Variants in STIM1 observed in about 807,000 individuals in gnomAD.
The protein encoded by STIM1 is stromal interaction molecule 1.
In STIM1, 25 loss-of-function variants were observed where a neutral mutation model predicts 74.7. The ratio of observed to expected loss-of-function variants is 0.33; its 90% CI spans 0.24 to 0.47. The LOEUF (loss-of-function observed/expected upper bound fraction) is 0.47, where lower values mean the gene tolerates loss of function less well. STIM1 is among the 20% of genes least tolerant of loss of function. The probability of loss-of-function intolerance (pLI) is 1.00; values close to 1 mark genes in which losing one functional copy is unlikely to be tolerated. For synonymous variants in STIM1, 328 were observed against 348.8 expected, an observed-to-expected ratio of 0.94 and a Z score of 0.66; for missense variants, 728 against 920.8, an observed-to-expected ratio of 0.79 and a Z score of 2.71.
chr11:4,068,397 A>G (rs1186306759), intron 5 of STIM1, among the ~76,000 whole-genome samples: 1 of 152,192 alleles, frequency 6.6e-6, no homozygotes, highest in Admixed American at 6.5e-5. Context: ...TAAAGGGGAT[A>G]TTGAAGTTGA....
chr11:3,987,324 A>G (rs1489087182), intron 2 of STIM1, among the ~76,000 whole-genome samples: 3 of 152,210 alleles, frequency 2.0e-5, no homozygotes, highest in African/African-American at 7.2e-5. Flanking sequence ...CACAGTGGTA[A>G]GTGGCAGAAA....
At chr11:3,862,705 C>T (rs1165179095) in intron 1 of STIM1, among the ~76,000 whole-genome samples, 1 of 152,070 alleles carries the variant, frequency 6.6e-6, no homozygotes, top group Non-Finnish European at 1.5e-5. Context: ...CTTGGCCTCC[C>T]AAAGTGTTTG....
chr11:3,880,159 C>T (rs1295106540), intron 1 of STIM1, among the ~76,000 whole-genome samples: 1 of 152,186 alleles, frequency 6.6e-6, no homozygotes. Flanking sequence ...TCATTAATCT[C>T]TCTGAGCCTT....
intron 1 of STIM1, among the ~76,000 whole-genome samples, chr11:3,903,973 T>C (rs893325984): frequency 2.0e-5 from 3 of 151,388 alleles, no homozygotes; most frequent in Admixed American, 6.6e-5. Flanking sequence ...CTGAGGCGGG[T>C]AGATCACGAG....
chr11:3,918,851 A>G (rs922588639), intron 1 of STIM1, among the ~76,000 whole-genome samples: 1 of 152,198 alleles, frequency 6.6e-6, no homozygotes, highest in African/African-American at 2.4e-5. Flanking sequence ...TTTTAAGTCA[A>G]CAAAATTCGT....
At chr11:4,077,393 G>A (rs6578440) in intron 7 of STIM1, among the ~76,000 whole-genome samples, 117,416 of 151,928 alleles carry the variant, frequency 0.77, 47,022 homozygotes, top group South Asian at 0.91. Context: ...TCTAAAATAT[G>A]TAAAGCAAAT....
At chr11:4,011,984 C>A (rs939842346) in intron 2 of STIM1, among the ~76,000 whole-genome samples, 2 of 152,102 alleles carry the variant, frequency 1.3e-5, no homozygotes, top group African/African-American at 4.8e-5. Flanking sequence ...ATAGGGAATC[C>A]CTTCTCCATT....
intron 3 of STIM1, among the ~76,000 whole-genome samples, chr11:4,031,715 A>G (rs1483073999): frequency 6.6e-6 from 1 of 151,910 alleles, no homozygotes; most frequent in Non-Finnish European, 1.5e-5. Flanking sequence ...TCTGCTTTTT[A>G]TTGGGTTGTT....
intron 1 of STIM1, chr11:3,867,392 T>A (rs1012605413): frequency 3.9e-5 from 6 of 152,266 alleles, no homozygotes; most frequent in Admixed American, 3.9e-4. Context: ...CAAGGCCTTC[T>A]TGGGTCTTCC....
intron 12 of STIM1, among the ~76,000 whole-genome samples, chr11:4,089,495 G>A (rs540606135): frequency 1.3e-5 from 2 of 152,298 alleles, no homozygotes; most frequent in South Asian, 4.1e-4. Flanking sequence ...AGAGAAACAA[G>A]GACAAGTTTA....
intron 1 of STIM1, among the ~76,000 whole-genome samples, chr11:3,893,279 C>T (rs997070726): frequency 6.6e-6 from 1 of 151,966 alleles, no homozygotes; most frequent in Admixed American, 6.5e-5. Context: ...GACAGGGATG[C>T]TCAGTAAATA....
At chr11:3,960,905 A>AT (rs1323693410) in intron 1 of STIM1, among the ~76,000 whole-genome samples, 1 of 152,206 alleles carries the variant, frequency 6.6e-6, no homozygotes, top group East Asian at 1.9e-4. Flanking sequence ...TAAAAATATT[A>AT]TTTACATTAA....
intron 1 of STIM1, among the ~76,000 whole-genome samples, chr11:3,892,220 C>G (rs942637661): frequency 5.3e-5 from 8 of 152,004 alleles, no homozygotes; most frequent in Non-Finnish European, 7.4e-5. Context: ...ATAAACTTAA[C>G]TCTGCAATCC....
chr11:3,925,937 G>T (rs754856430), intron 1 of STIM1, among the ~76,000 whole-genome samples: 2 of 152,068 alleles, frequency 1.3e-5, no homozygotes, highest in Admixed American at 6.6e-5. Flanking sequence ...AGTATTCTAA[G>T]TATCTTTTGA....
intron 3 of STIM1, among the ~76,000 whole-genome samples, chr11:4,035,522 T>C (rs1484243150): frequency 2.0e-5 from 3 of 152,116 alleles, no homozygotes; most frequent in Non-Finnish European, 2.9e-5. Flanking sequence ...TTGGATGAAA[T>C]GTTGTGCTTT....
intron 1 of STIM1, among the ~76,000 whole-genome samples, chr11:3,933,052 A>G (rs1289313850): frequency 6.6e-6 from 1 of 152,210 alleles, no homozygotes; most frequent in Non-Finnish European, 1.5e-5. Flanking sequence ...CATATTTATT[A>G]CAATTGATCA....
chr11:4,037,495 C>T (rs1397648772), intron 3 of STIM1, among the ~76,000 whole-genome samples: 2 of 152,116 alleles, frequency 1.3e-5, no homozygotes. Flanking sequence ...ATGATTATTT[C>T]TTAGTGATTA....
At chr11:3,881,091 TAA>T (rs1169148093) in intron 1 of STIM1, among the ~76,000 whole-genome samples, 43 of 130,706 alleles carry the variant, frequency 3.3e-4, no homozygotes, top group Non-Finnish European at 2.8e-4. Flanking sequence ...GGCCGTTTAT[TAA>T]AAAAAAAAAA....
At chr11:3,933,950 C>A (rs1353422528) in intron 1 of STIM1, among the ~76,000 whole-genome samples, 1 of 152,174 alleles carries the variant, frequency 6.6e-6, no homozygotes, top group African/African-American at 2.4e-5. Flanking sequence ...TGCGTGGCTA[C>A]TGAAGTTGGT....
Sources: gnomAD v4.1 joint callset for allele counts (sites outside exome capture counted in the v4.1 genomes callset) on GRCh38, gnomAD v4.1.1 for gene constraint, MANE v1.5 for transcripts, NCBI Gene and HGNC (gene_info 2026-07-23, HGNC 2026-07-21) for gene names.